PCDHA2: variants seen among roughly 807,000 people sequenced by gnomAD.
PCDHA2 encodes protocadherin alpha 2, also known as protocadherin alpha-2.
In PCDHA2, 58 loss-of-function variants were observed where a neutral mutation model predicts 66.0. That is an observed-to-expected ratio of 0.88 (90% CI 0.71 to 1.09). The LOEUF (loss-of-function observed/expected upper bound fraction) is 1.09. PCDHA2 is among the 50% of genes least tolerant of loss of function. The pLI is 0.00. For synonymous variants in PCDHA2, 634 were observed against 554.0 expected (o/e 1.14, Z -2.03); for missense variants, 1,267 against 1,242.3 (o/e 1.02, Z -0.30).
At chr5:140,999,004 A>T (rs2097842745) in intron 3 of PCDHA2, among the ~76,000 whole-genome samples, 1 of 152,258 alleles carries the variant, frequency 6.6e-6, no homozygotes, top group South Asian at 2.1e-4. Flanking sequence ...GCTGGAGCTG[A>T]GATTTGAACC....
At chr5:141,005,769 G>A (rs1421440870) in intron 3 of PCDHA2, among the ~76,000 whole-genome samples, 3 of 129,926 alleles carry the variant, frequency 2.3e-5, no homozygotes, top group Non-Finnish European at 4.9e-5. Context: ...AAGCAAACCA[G>A]ATGTGTAAAG....
intron 1 of PCDHA2, chr5:140,850,254 G>A: frequency 3.8e-6 from 6 of 1,593,786 alleles, no homozygotes; most frequent in South Asian, 1.1e-5. Flanking sequence ...GTCGGTGGGC[G>A]CCGGCGTAGT....
chr5:140,852,444 A>G (rs1327164540), intron 1 of PCDHA2: 1 of 183,986 alleles, frequency 5.4e-6, no homozygotes, highest in Non-Finnish European at 1.1e-5. Context: ...CGCCCAGCTA[A>G]TTTTTGTATT....
chr5:140,850,297 C>G, intron 1 of PCDHA2: 2 of 1,596,438 alleles, frequency 1.3e-6, no homozygotes, highest in Non-Finnish European at 1.7e-6. Flanking sequence ...GACGCCGACT[C>G]GGGCTACAAC....
rs1311256758 is a variant in PCDHA2 at position 140,857,805 on chromosome 5, C to A, written c.2388+60453C>A. 13 of 1,597,714 alleles carry A rather than the reference C, an allele frequency of 8.1e-6. 1 individual carries two copies. The highest frequency in any genetic ancestry group is 1.7e-5 in the Admixed American group (1 of 59,256). On this transcript the variant is annotated intron_variant, in intron 1 of 3. Transcript: ENST00000526136. ...GAGCTGGTGCTGCGGTCGGTGGTTG[C>A]GGGTCACGTGGTGGCTAAGGTGCGC... is the stretch of plus-strand genomic sequence containing the variant.
chr5:140,823,446 G>A, intron 1 of PCDHA2: 1 of 1,613,446 alleles, frequency 6.2e-7, no homozygotes, highest in South Asian at 1.1e-5. Flanking sequence ...TGCTGGACGA[G>A]AACGACAACG....
chr5:141,006,069 C>T (rs1588119997), intron 3 of PCDHA2, among the ~76,000 whole-genome samples: 1 of 148,482 alleles, frequency 6.7e-6, no homozygotes, highest in African/African-American at 2.5e-5. Flanking sequence ...AAATAAAAAT[C>T]AGATTATTGA....
chr5:140,925,069 C>T (rs1240618705), intron 1 of PCDHA2, among the ~76,000 whole-genome samples: 1 of 149,418 alleles, frequency 6.7e-6, no homozygotes, highest in Non-Finnish European at 1.5e-5. Context: ...AACAAAGCAA[C>T]ACGCTCATCT....
chr5:140,836,197 C>A (rs2150255199), intron 1 of PCDHA2: 1 of 1,613,818 alleles, frequency 6.2e-7, no homozygotes. Context: ...GGCTACAACG[C>A]GTGGCTTTCG....
chr5:140,938,991 T>C (rs2092291799), intron 1 of PCDHA2, among the ~76,000 whole-genome samples: 2 of 152,230 alleles, frequency 1.3e-5, no homozygotes, highest in South Asian at 2.1e-4. Context: ...TGGCTTTATA[T>C]AGTAAGTTAA....
chr5:141,009,539 C>G lies in PCDHA2; in HGVS notation c.2537-88C>G, dbSNP rs141154047. 10,440 of 1,522,742 alleles carry G rather than the reference C, an allele frequency of 6.9e-3. 51 individuals are homozygous for G. Among genetic ancestry groups the G allele is most frequent in the Admixed American group, 0.011 (516 of 46,760 alleles). 94.3% of individuals were successfully genotyped at this position (1,522,742 alleles called of 1,614,324 possible). A position where few individuals can be genotyped will look rare whatever the true frequency, so the allele number is the denominator to read the frequency against. ...ATTTTTCTGGGGAGGTTCAGCCTGC[C>G]TATGCAGTACTCCTGTACTCTACCA... On this transcript the variant is annotated intron_variant, in intron 3 of 3. Transcript: ENST00000526136.
rs1309730061 is a variant in PCDHA2, at chr5:140,826,016, T to G, written c.2388+28664T>G. 2.6e-5 allele frequency among the ~76,000 whole-genome samples: 4 copies of G among 152,338 alleles called. No homozygotes were observed. In the South Asian group the frequency reaches 8.3e-4, roughly 32 times the overall value. On this transcript the variant is annotated intron_variant, in intron 1 of 3. Coordinates refer to ENST00000526136, the MANE Select transcript of PCDHA2 (RefSeq NM_018905.3). ...AGTAAATAGTCCACACTTTACATGA[T>G]AAAATGTGAATTCCCTATTTCTGTT...
In PCDHA2 at chr5:140,875,548, G is replaced by A. The variant is rs782463775; in HGVS notation, c.2388+78196G>A. On this transcript the variant is annotated intron_variant, in intron 1 of 3. Coordinates refer to ENST00000526136, the MANE Select transcript of PCDHA2 (RefSeq NM_018905.3). ...GCTTCTGCTCCTTGCAGCCTGGGAG[G>A]TGGGGAGCGGCCAGCTCCACTACTC... 24 of 1,614,054 alleles carry A rather than the reference G, an allele frequency of 1.5e-5. 1 individual carries two copies. The Admixed American group carries it at 3.5e-4, about 24-fold the overall frequency.
intron 1 of PCDHA2, chr5:140,809,158 C>T: frequency 6.2e-7 from 1 of 1,613,948 alleles, no homozygotes; most frequent in Non-Finnish European, 8.5e-7. Flanking sequence ...ACGGCGAGCC[C>T]GCGCTGACGG....
chr5:140,888,764 T>A (rs74654123), intron 1 of PCDHA2, among the ~76,000 whole-genome samples: 4 of 152,186 alleles, frequency 2.6e-5, no homozygotes, highest in East Asian at 3.9e-4. Context: ...CTTTTTTTTT[T>A]AATTTTGAAG....
Position 140,870,763 on chromosome 5 carries a change from G to C in PCDHA2, c.2388+73411G>C, listed in dbSNP as rs1386684596. The stretch of plus-strand genomic sequence containing the variant: ...CAGCAACGTGACGCTGCAGGTGTTC[G>C]TGCTGGACGAGAACGACAACGCGCC... On this transcript the variant is annotated intron_variant, in intron 1 of 3. Transcript: ENST00000526136. 1.1e-5 allele frequency: 18 copies of C among 1,613,434 alleles called. No individual in the cohort carries two copies. Among genetic ancestry groups the C allele is most frequent in the Admixed American group, 3.3e-5 (2 of 60,004 alleles).
intron 1 of PCDHA2, chr5:140,849,906 G>A: frequency 6.3e-7 from 1 of 1,598,336 alleles, no homozygotes; most frequent in Non-Finnish European, 8.6e-7. Flanking sequence ...CAACCCGCCG[G>A]GCTGCCACAT....
In PCDHA2 at chr5:140,843,131, A is replaced by T. The variant is rs1778597379; in HGVS notation, c.2388+45779A>T. 3 of 1,596,044 alleles carry T rather than the reference A, an allele frequency of 1.9e-6. No homozygotes were observed. The African/African-American group carries it at 4.0e-5, about 21-fold the overall frequency. On this transcript the variant is annotated intron_variant, in intron 1 of 3. Coordinates refer to ENST00000526136, the MANE Select transcript of PCDHA2 (RefSeq NM_018905.3). ...CGCAGTGGACGCCGACTCGGGCTAC[A>T]ACGCGTGGCTTTCGTATGAGCTGCA...
rs202125503 is a variant in PCDHA2 at position 140,834,460 on chromosome 5, C to A, written c.2388+37108C>A. 5.3e-5 allele frequency: 84 copies of A among 1,589,840 alleles called. No homozygotes were observed. Among genetic ancestry groups the A allele is most frequent in the Middle Eastern group, 1.7e-4 (1 of 5,902 alleles). On this transcript the variant is annotated intron_variant, in intron 1 of 3. Transcript: ENST00000526136. ...ATTATAATTCTAGCAGCTTGGGAGG[C>A]AGGGAGAGGCCAGCTCCACTACTCG... is the stretch of plus-strand genomic sequence containing the variant.
Sources: gnomAD v4.1 joint callset for allele counts (sites outside exome capture counted in the v4.1 genomes callset) on GRCh38, gnomAD v4.1.1 for gene constraint, MANE v1.5 for transcripts, NCBI Gene and HGNC (gene_info 2026-07-23, HGNC 2026-07-21) for gene names.